BLZF1: variants seen among roughly 807,000 people sequenced by gnomAD.
The protein encoded by BLZF1 is basic leucine zipper nuclear factor 1, also known as golgin-45.
In BLZF1, 39 loss-of-function variants were observed where a neutral mutation model predicts 43.8. The ratio of observed to expected loss-of-function variants is 0.89; its 90% CI spans 0.69 to 1.16. The LOEUF (loss-of-function observed/expected upper bound fraction) is 1.16, where lower values mean the gene tolerates loss of function less well. Ranked by LOEUF, BLZF1 falls within the 50% of genes most tolerant of loss-of-function variation. The probability of loss-of-function intolerance (pLI) is 0.00; values close to 1 mark genes in which losing one functional copy is unlikely to be tolerated. For synonymous variants in BLZF1, 136 were observed against 159.4 expected (o/e 0.85, Z 1.11); for missense variants, 449 against 469.8 (o/e 0.96, Z 0.41).
chr1:169,378,675 T>C, intron 4 of BLZF1, 146 bp downstream of exon 4: 1 of 687,312 alleles, frequency 1.5e-6, no homozygotes, highest in Non-Finnish European at 2.4e-6. Flanking sequence ...CTCTCTCTCC[T>C]CTGGATAGTC....
In BLZF1 at chr1:169,387,125, T is replaced by A; in HGVS notation, c.1146T>A (p.Tyr382Ter). ...NIGRFHPYTR[Y>*]ENITFNCCNH... ...GACGATTTCATCCCTATACTAGATA[T>A]GAAAATATAACTTTCAATTGCTGCA... The change falls in exon 7 of 7, where the codon TAT (tyrosine) becomes TAA (stop). Residue 382 changes from tyrosine (Y) to a stop codon, truncating the protein, a stop_gained. Transcript: ENST00000367808. LOFTEE classifies it high-confidence loss of function. 1 of 1,613,508 alleles carries A rather than the reference T, an allele frequency of 6.2e-7. No homozygotes were observed. The highest frequency in any genetic ancestry group is 2.2e-5 in the East Asian group (1 of 44,808).
chr1:169,369,826 G>A (rs897893898), intron 2 of BLZF1, among the ~76,000 whole-genome samples: 4 of 152,114 alleles, frequency 2.6e-5, no homozygotes, highest in Non-Finnish European at 5.9e-5. Context: ...TACACTAGAA[G>A]ATTACGATTT....
chr1:169,387,287 A>G lies in BLZF1; in HGVS notation c.*105A>G. 1.0e-6 allele frequency: 1 copy of G among 1,000,906 alleles called. No homozygotes were observed. The highest frequency in any genetic ancestry group is 1.5e-5 in the South Asian group (1 of 64,760). 62.0% of individuals were successfully genotyped at this position (1,000,906 alleles called of 1,614,324 possible). ...AATGCTAGAAATAATATCACTTCCTATTTACATAATGTATACACCCAAAGA... is the reference window on the plus strand; with the variant it reads ...AATGCTAGAAATAATATCACTTCCTGTTTACATAATGTATACACCCAAAGA... On this transcript the variant is annotated 3_prime_UTR_variant, in exon 7 of 7. Coordinates refer to ENST00000367808, the MANE Select transcript of BLZF1 (RefSeq NM_001320973.2).
At chr1:169,382,826 A>C (rs1247548112) in intron 6 of BLZF1, among the ~76,000 whole-genome samples, 1 of 152,132 alleles carries the variant, frequency 6.6e-6, no homozygotes, top group African/African-American at 2.4e-5. Flanking sequence ...CTGTCGCCAT[A>C]ACTCTTGCAC....
intron 6 of BLZF1, among the ~76,000 whole-genome samples, chr1:169,385,872 A>G (rs17516616): frequency 0.028 from 4,332 of 152,304 alleles, 83 homozygotes; most frequent in Non-Finnish European, 0.042. Flanking sequence ...ATCACCAACC[A>G]TTCCAGAAAG....
chr1:169,368,975 C>G (rs1654005331), intron 1 of BLZF1, among the ~76,000 whole-genome samples: 1 of 151,968 alleles, frequency 6.6e-6, no homozygotes, highest in African/African-American at 2.4e-5. Flanking sequence ...TGGAGCTACA[C>G]TATTTTAATT....
chr1:169,372,056 T>C (rs1224823194), intron 2 of BLZF1, among the ~76,000 whole-genome samples: 2 of 152,190 alleles, frequency 1.3e-5, no homozygotes, highest in Non-Finnish European at 2.9e-5. Flanking sequence ...CCCACACTTA[T>C]TTGACCAGGG....
Position 169,376,909 on chromosome 1 carries a change from T to C in BLZF1, c.398T>C (p.Leu133Pro). Residue 133 changes from leucine to proline, a missense_variant, in exon 3 of 7, where the codon CTC (leucine) becomes CCC (proline). Leu to Pro is a moderately conservative substitution (Grantham distance 98, BLOSUM62 -3). Coordinates refer to ENST00000367808, the MANE Select transcript of BLZF1 (RefSeq NM_001320973.2). ...GAGGTAAAGAATGTATTGGAAAAGC[T>C]CAAGAATTCTGAAAGAAGGTTACTA... Reference protein sequence around the residue: ...LSEVKNVLEKLKNSERRLLQD... With the variant: ...LSEVKNVLEKPKNSERRLLQD... The C allele has an allele frequency of 1.2e-6, 2 of 1,613,238 alleles. No individual in the cohort carries two copies. Among genetic ancestry groups the C allele is most frequent in the Non-Finnish European group, 1.7e-6 (2 of 1,179,536 alleles).
chr1:169,393,965 G>A (rs17516734), intron 7 of BLZF1, among the ~76,000 whole-genome samples: 6,590 of 152,216 alleles, frequency 0.043, 187 homozygotes, highest in South Asian at 0.1. Context: ...CATCACACTT[G>A]TATGCTTACC....
intron 2 of BLZF1, 26 bp from the exon 3 acceptor site, chr1:169,376,514 T>A (rs754720051): frequency 6.4e-7 from 1 of 1,555,772 alleles, no homozygotes; most frequent in South Asian, 1.2e-5. Flanking sequence ...TGGTAAGTAG[T>A]TTCTGTTTTG....
chr1:169,380,102 A>C (rs2102014709), intron 4 of BLZF1, among the ~76,000 whole-genome samples: 1 of 152,022 alleles, frequency 6.6e-6, no homozygotes, highest in South Asian at 2.1e-4. Flanking sequence ...GCAAAGAGGT[A>C]ATTGAGTGAA....
chr1:169,390,524 G>A (rs888489429), downstream of BLZF1, among the ~76,000 whole-genome samples: 9 of 152,216 alleles, frequency 5.9e-5, no homozygotes, highest in East Asian at 1.3e-3. Context: ...AAGAAAAACT[G>A]TACACCAATA....
rs1654354575 is a variant in BLZF1, at chr1:169,376,640, G to A, written c.129G>A (p.Lys43=). The A allele has an allele frequency of 6.2e-7, 1 of 1,613,276 alleles. No individual in the cohort carries two copies. ...VEVTSGVQSR[K]HHSLQSPWKK... ...TTACCTCCGGAGTCCAATCTAGAAA[G>A]CATCATAGTCTTCAGAGTCCATGGA... The change falls in exon 3 of 7, where the codon AAG becomes AAA. Residue 43 remains lysine (K), a synonymous_variant. Transcript: ENST00000367808.
In BLZF1 at chr1:169,378,301, CTTG is replaced by C. The variant is rs762747494; in HGVS notation, c.469-24_469-22del. The C allele has an allele frequency of 5.8e-5, 93 of 1,594,120 alleles. No individual in the cohort carries two copies. In the African/African-American group the frequency reaches 9.7e-4, roughly 17 times the overall value. ...TTAAAGTTAGTGATATTACTTTGAG[CTTG>C]TTGTATTGATTACGTTCTCTTCTAG... On this transcript the variant is annotated intron_variant, in intron 3 of 6. Transcript: ENST00000367808.
chr1:169,387,182 A>G lies in BLZF1; in HGVS notation c.1203A>G (p.Ter401=), dbSNP rs1209251586. ...NHCRGELIAL[*] ...GCCGGGGAGAACTGATTGCCCTTTA[A>G]CAGTCAATATGTTGGAGGCATGCTA... The change falls in exon 7 of 7, where the codon TAA becomes TAG. Residue 401 remains the stop codon, a stop_retained_variant. Transcript: ENST00000367808. 6.2e-7 allele frequency: 1 copy of G among 1,611,936 alleles called. No homozygotes were observed. The highest frequency in any genetic ancestry group is 8.5e-7 in the Non-Finnish European group (1 of 1,179,332).
At chr1:169,395,199 T>G in intron 7 of BLZF1, 2 of 1,610,864 alleles carry the variant, frequency 1.2e-6, no homozygotes, top group Non-Finnish European at 8.5e-7. Flanking sequence ...CGTTTCCTTC[T>G]TAACCATCTG....
At chr1:169,393,273 A>G (rs568779210), downstream of BLZF1, among the ~76,000 whole-genome samples, 3 of 152,138 alleles carry the variant, frequency 2.0e-5, no homozygotes, top group East Asian at 5.8e-4. Context: ...ACCTCACGCC[A>G]TATATAAAAA....
intron 1 of BLZF1, among the ~76,000 whole-genome samples, chr1:169,368,672 G>T (rs1285430037): frequency 6.6e-6 from 1 of 152,204 alleles, no homozygotes; most frequent in Non-Finnish European, 1.5e-5. Flanking sequence ...TTACTCTTAC[G>T]AAGGGTTTTT....
intron 6 of BLZF1, among the ~76,000 whole-genome samples, chr1:169,382,856 A>G (rs748991224): frequency 6.6e-6 from 1 of 151,856 alleles, no homozygotes; most frequent in Non-Finnish European, 1.5e-5. Flanking sequence ...CTTCAACTCA[A>G]CATCTCTGTC....
Sources: allele counts gnomAD v4.1 joint callset (sites outside exome capture counted in the v4.1 genomes callset), GRCh38; gene constraint gnomAD v4.1.1; transcripts MANE v1.5; gene names NCBI Gene and HGNC (gene_info 2026-07-23, HGNC 2026-07-21).